Variants in SPOCK3 observed in about 807,000 individuals in gnomAD.
SPOCK3 encodes the protein SPARC (osteonectin), cwcv and kazal like domains proteoglycan 3.
In SPOCK3, 30 loss-of-function variants were observed where a neutral mutation model predicts 56.6. The ratio of observed to expected loss-of-function variants is 0.53; its 90% CI spans 0.40 to 0.72. SPOCK3 has a LOEUF of 0.72. Ranked by LOEUF, SPOCK3 falls within the 30% of genes least tolerant of loss-of-function variation. The pLI is 0.00. For missense variants in SPOCK3, 527 were observed against 530.0 expected (o/e 0.99, Z 0.06); for synonymous variants, 196 against 183.3 (o/e 1.07, Z -0.56).
intron 7 of SPOCK3, among the ~76,000 whole-genome samples, chr4:166,784,216 GT>G (rs1740492097): frequency 6.6e-6 from 1 of 152,072 alleles, no homozygotes. Context: ...ATAACCAAAA[GT>G]TTGGTTCCTA....
rs1288736861 is a variant in SPOCK3 at position 166,792,317 on chromosome 4, TG to T, written c.590-29del. 4 of 1,612,298 alleles carry T rather than the reference TG, an allele frequency of 2.5e-6. No homozygotes were observed. In the African/African-American group the frequency reaches 5.3e-5, roughly 22 times the overall value. Reference sequence around the variant, plus strand: ...AAAAACAGAGAAACAACACAAGTCTTGAATAATATCTTAGTATAATGTTAGT... The same window carrying T: ...AAAAACAGAGAAACAACACAAGTCTTAATAATATCTTAGTATAATGTTAGT... On this transcript the variant is annotated intron_variant, in intron 6 of 10. Transcript: ENST00000357545.
At chr4:166,776,472 T>C (rs1468115830) in intron 7 of SPOCK3, among the ~76,000 whole-genome samples, 1 of 152,076 alleles carries the variant, frequency 6.6e-6, no homozygotes, top group East Asian at 1.9e-4. Context: ...AAACATTTTC[T>C]GCTGGGTTTC....
At chr4:166,806,683 T>C (rs1374147791) in intron 6 of SPOCK3, among the ~76,000 whole-genome samples, 1 of 152,052 alleles carries the variant, frequency 6.6e-6, no homozygotes, top group African/African-American at 2.4e-5. Context: ...CACAATTGTT[T>C]CTTTGGATTA....
intron 2 of SPOCK3, among the ~76,000 whole-genome samples, chr4:167,136,889 T>G (rs1355887815): frequency 6.6e-6 from 1 of 152,042 alleles, no homozygotes; most frequent in Non-Finnish European, 1.5e-5. Flanking sequence ...TTTCCAGTGC[T>G]GAGAAGATGG....
At chr4:166,777,369 T>C (rs1739672399) in intron 7 of SPOCK3, among the ~76,000 whole-genome samples, 1 of 152,316 alleles carries the variant, frequency 6.6e-6, no homozygotes, top group Middle Eastern at 3.4e-3. Context: ...TGCCAGCATG[T>C]ACATGTATAC....
At chr4:167,170,099 A>G (rs1730365694) in intron 2 of SPOCK3, among the ~76,000 whole-genome samples, 1 of 152,164 alleles carries the variant, frequency 6.6e-6, no homozygotes, top group Admixed American at 6.6e-5. Flanking sequence ...TACAAACAGT[A>G]TATTTAATAA....
intron 3 of SPOCK3, among the ~76,000 whole-genome samples, chr4:167,021,443 C>T (rs1751160467): frequency 6.6e-6 from 1 of 151,972 alleles, no homozygotes; most frequent in African/African-American, 2.4e-5. Context: ...GATATATAAA[C>T]AGTGATGTGT....
chr4:167,035,667 G>A (rs992110044), intron 3 of SPOCK3, among the ~76,000 whole-genome samples: 6 of 151,972 alleles, frequency 3.9e-5, no homozygotes, highest in African/African-American at 1.5e-4. Flanking sequence ...TTGTTTCCCT[G>A]TCTTTTTCCC....
At chr4:166,949,391 G>A (rs1017968528) in intron 4 of SPOCK3, among the ~76,000 whole-genome samples, 11 of 152,272 alleles carry the variant, frequency 7.2e-5, no homozygotes, top group African/African-American at 1.2e-4. Flanking sequence ...GAGGAACTGC[G>A]TTCCTTTGGA....
At chr4:167,210,897 G>T (rs908537081) in intron 2 of SPOCK3, among the ~76,000 whole-genome samples, 3 of 152,054 alleles carry the variant, frequency 2.0e-5, no homozygotes, top group Non-Finnish European at 4.4e-5. Flanking sequence ...TTCAGTTATT[G>T]CATAGACACT....
intron 6 of SPOCK3, among the ~76,000 whole-genome samples, chr4:166,878,412 C>T (rs562538402): frequency 6.6e-4 from 100 of 152,024 alleles, no homozygotes; most frequent in African/African-American, 2.3e-3. Context: ...AATATATACA[C>T]TATAAGAAGT....
rs374381070 is a variant in SPOCK3 at position 166,980,278 on chromosome 4, G to A, written c.350+20071C>T. On this transcript the variant is annotated intron_variant, in intron 4 of 10. Transcript: ENST00000357545. ...TGTATCTGGCATGCCTAGAATATCT[G>A]GCATATTGCAGATAATAAATCATTG... Among the ~76,000 whole-genome samples the A allele has an allele frequency of 4.8e-4, 73 of 152,202 alleles. 1 individual carries two copies. The highest frequency in any genetic ancestry group is 1.4e-3 in the African/African-American group (58 of 41,518).
chr4:167,007,446 A>G (rs1163358729), intron 3 of SPOCK3, among the ~76,000 whole-genome samples: 4 of 152,084 alleles, frequency 2.6e-5, no homozygotes, highest in South Asian at 2.1e-4. Context: ...TTGCTATTTT[A>G]ATTTTTTTTT....
chr4:167,105,379 A>C (rs146808901), intron 2 of SPOCK3, among the ~76,000 whole-genome samples: 2 of 151,024 alleles, frequency 1.3e-5, no homozygotes, highest in Non-Finnish European at 3.0e-5. Context: ...AGTTGTTTTC[A>C]GTTTAAAATA....
At chr4:167,211,339 C>T (rs980744961) in intron 2 of SPOCK3, among the ~76,000 whole-genome samples, 5 of 152,014 alleles carry the variant, frequency 3.3e-5, no homozygotes, top group Non-Finnish European at 2.9e-5. Flanking sequence ...AGACTTTGGA[C>T]GGTAGAGTTT....
At chr4:167,039,944 G>A (rs1347718410) in intron 3 of SPOCK3, among the ~76,000 whole-genome samples, 1 of 151,854 alleles carries the variant, frequency 6.6e-6, no homozygotes, top group African/African-American at 2.4e-5. Flanking sequence ...ATTCTTTTGG[G>A]CTTAAGCTAA....
chr4:167,137,216 G>A (rs911378068), intron 2 of SPOCK3, among the ~76,000 whole-genome samples: 9 of 151,910 alleles, frequency 5.9e-5, no homozygotes, highest in South Asian at 2.1e-4. Context: ...ATCTTGAGGC[G>A]ATACCCAAAT....
At chr4:166,801,343 T>C (rs1048631555) in intron 6 of SPOCK3, among the ~76,000 whole-genome samples, 1 of 152,118 alleles carries the variant, frequency 6.6e-6, no homozygotes, top group African/African-American at 2.4e-5. Flanking sequence ...GTTACCATCT[T>C]TCCCTACCAA....
At chr4:167,169,138 CCT>C (rs1730268019) in intron 2 of SPOCK3, among the ~76,000 whole-genome samples, 1 of 152,198 alleles carries the variant, frequency 6.6e-6, no homozygotes, top group South Asian at 2.1e-4. Context: ...TCATGGTGAA[CCT>C]CTACTAGGGC....
Sources: gnomAD v4.1 joint callset for allele counts (sites outside exome capture counted in the v4.1 genomes callset) on GRCh38, gnomAD v4.1.1 for gene constraint, MANE v1.5 for transcripts, NCBI Gene and HGNC (gene_info 2026-07-23, HGNC 2026-07-21) for gene names.